The following GALNT17 variants were observed in gnomAD, a reference collection of about 807,000 sequenced individuals.
The protein encoded by GALNT17 is polypeptide N-acetylgalactosaminyltransferase 17, also known as UDP-GalNAc:polypeptide N-acetylgalactosaminyltransferase-like 3.
Under a neutral mutation model 63.7 loss-of-function variants are expected in GALNT17, and 29 were observed. The ratio of observed to expected loss-of-function variants is 0.46; its 90% confidence interval spans 0.34 to 0.62. The LOEUF (loss-of-function observed/expected upper bound fraction) is 0.62. GALNT17 is among the 20% of genes least tolerant of loss of function. GALNT17 has a pLI of 0.01. For synonymous variants in GALNT17, 305 were observed against 318.3 expected, an observed-to-expected ratio of 0.96 and a Z score of 0.45; for missense variants, 603 against 799.6, an observed-to-expected ratio of 0.75 and a Z score of 2.97.
rs562922319 is a variant in GALNT17 at position 71,227,387 on chromosome 7, C to G, written c.238+94347C>G. Among the ~76,000 whole-genome samples the G allele has an allele frequency of 6.6e-4, 100 of 151,152 alleles. 2 individuals are homozygous for G. The highest frequency in any genetic ancestry group is 2.4e-3 in the African/African-American group (98 of 41,192). On this transcript the variant is annotated intron_variant, in intron 1 of 10. Coordinates refer to ENST00000333538, the MANE Select transcript of GALNT17 (RefSeq NM_022479.3). Reference sequence around the variant, plus strand: ...TCTAAAAAATGGAAAAAAAAAAAATCATTGAGAAGAGAGAACCCAGAGGTT... The same window carrying G: ...TCTAAAAAATGGAAAAAAAAAAAATGATTGAGAAGAGAGAACCCAGAGGTT...
At chr7:71,632,219 C>T (rs896083242) in intron 6 of GALNT17, among the ~76,000 whole-genome samples, 3 of 152,228 alleles carry the variant, frequency 2.0e-5, no homozygotes, top group Admixed American at 2.0e-4. Context: ...AGCTTTTCCA[C>T]TGTGGAGCAG....
intron 1 of GALNT17, among the ~76,000 whole-genome samples, chr7:71,290,721 C>T (rs1790964301): frequency 6.6e-6 from 1 of 152,168 alleles, no homozygotes; most frequent in African/African-American, 2.4e-5. Flanking sequence ...GAAAATCCTC[C>T]CTGAAGTTCC....
rs949329182 is a variant in GALNT17 at position 71,299,946 on chromosome 7, A to G, written c.239-35604A>G. ...ATGCCTGGCTAATTTTTGTATTTTT[A>G]GTAGAGAAGAGGTTTCACCAAATTG... On this transcript the variant is annotated intron_variant, in intron 1 of 10. Transcript: ENST00000333538. Among the ~76,000 whole-genome samples the G allele has an allele frequency of 2.6e-5, 4 of 151,934 alleles. No homozygotes were observed. The East Asian group carries it at 7.7e-4, about 29-fold the overall frequency.
chr7:71,138,483 A>T (rs1787827805), intron 1 of GALNT17, among the ~76,000 whole-genome samples: 2 of 152,152 alleles, frequency 1.3e-5, no homozygotes, highest in South Asian at 4.1e-4. Flanking sequence ...GGAAGAAAAA[A>T]ATCTATGTAC....
intron 1 of GALNT17, among the ~76,000 whole-genome samples, chr7:71,222,069 G>T (rs1922523): frequency 0.015 from 2,240 of 151,974 alleles, 47 homozygotes; most frequent in African/African-American, 0.051. Flanking sequence ...CACCACGCCC[G>T]GCTAATTTTG....
At chr7:71,207,797 A>T (rs1482057514) in intron 1 of GALNT17, among the ~76,000 whole-genome samples, 1 of 152,198 alleles carries the variant, frequency 6.6e-6, no homozygotes, top group Admixed American at 6.5e-5. Context: ...AAACACGAGC[A>T]TCTGTCTGAA....
intron 5 of GALNT17, among the ~76,000 whole-genome samples, chr7:71,543,773 T>C (rs1223596610): frequency 1.3e-5 from 2 of 149,426 alleles, no homozygotes; most frequent in South Asian, 2.1e-4. Flanking sequence ...CTTTAACTTT[T>C]TCTTTCTTCC....
chr7:71,521,675 C>G (rs939136355), intron 5 of GALNT17, among the ~76,000 whole-genome samples: 1 of 152,118 alleles, frequency 6.6e-6, no homozygotes, highest in African/African-American at 2.4e-5. Context: ...GCCCTGAGCC[C>G]AGTGGATTTC....
At position 71,318,421 on chromosome 7, in the gene GALNT17, TG is replaced by T. The variant is rs144605116; in HGVS notation, c.239-17128del. 3.6e-3 allele frequency among the ~76,000 whole-genome samples: 526 copies of T among 145,528 alleles called. 16 individuals are homozygous for T. The highest frequency in any genetic ancestry group is 0.014 in the South Asian group (62 of 4,504). ...CCATTCCCTGAAGCTCTTTTTTTTT[TG>T]TGTGTGTGTGGGGGGTGGGATATAG... On this transcript the variant is annotated intron_variant, in intron 1 of 10. Coordinates refer to ENST00000333538, the MANE Select transcript of GALNT17 (RefSeq NM_022479.3).
At chr7:71,637,199 A>G (rs1790538952) in intron 6 of GALNT17, among the ~76,000 whole-genome samples, 1 of 151,906 alleles carries the variant, frequency 6.6e-6, no homozygotes, top group South Asian at 2.1e-4. Flanking sequence ...TTATTTATTT[A>G]TTTTTGAGAC....
intron 1 of GALNT17, among the ~76,000 whole-genome samples, chr7:71,166,889 A>T (rs956382609): frequency 1.3e-5 from 2 of 151,690 alleles, no homozygotes; most frequent in African/African-American, 4.8e-5. Context: ...GTAAGTGTGT[A>T]TTTAACTGTT....
intron 5 of GALNT17, among the ~76,000 whole-genome samples, chr7:71,475,875 T>G (rs1329864061): frequency 6.6e-6 from 1 of 152,140 alleles, no homozygotes; most frequent in East Asian, 1.9e-4. Context: ...ATTCCTAAGT[T>G]TGGACAGTTT....
Position 71,211,323 on chromosome 7 carries a change from A to C in GALNT17, c.238+78283A>C, listed in dbSNP as rs28370374. On this transcript the variant is annotated intron_variant, in intron 1 of 10. Coordinates refer to ENST00000333538, the MANE Select transcript of GALNT17 (RefSeq NM_022479.3). The stretch of plus-strand genomic sequence containing the variant: ...CAGGGGTTTCCGCTTTTGCTTCTTC[A>C]TCGTTTTTCTCTTGCTGCTGCCATG... Among the ~76,000 whole-genome samples the C allele has an allele frequency of 1.5e-4, 23 of 152,022 alleles. No homozygotes were observed. The East Asian group carries it at 3.3e-3, about 22-fold the overall frequency.
intron 9 of GALNT17, among the ~76,000 whole-genome samples, chr7:71,704,264 T>A (rs1174663705): frequency 1.3e-5 from 2 of 152,050 alleles, no homozygotes; most frequent in Non-Finnish European, 2.9e-5. Context: ...AACAAAACCA[T>A]TTACAATAGC....
intron 2 of GALNT17, among the ~76,000 whole-genome samples, chr7:71,341,492 G>C (rs1249184271): frequency 6.6e-6 from 1 of 152,060 alleles, no homozygotes; most frequent in East Asian, 1.9e-4. Flanking sequence ...CTCACATCAA[G>C]AAATGTAAAT....
intron 1 of GALNT17, among the ~76,000 whole-genome samples, chr7:71,325,824 G>A (rs1485957454): frequency 3.9e-5 from 6 of 152,108 alleles, no homozygotes; most frequent in Admixed American, 6.5e-5. Flanking sequence ...AAAATGAGTC[G>A]TTGGCTTGCC....
intron 1 of GALNT17, among the ~76,000 whole-genome samples, chr7:71,252,321 T>C (rs1790213393): frequency 6.6e-6 from 1 of 151,680 alleles, no homozygotes; most frequent in Non-Finnish European, 1.5e-5. Context: ...GGACAGGAGT[T>C]TGAGACCAGC....
intron 1 of GALNT17, among the ~76,000 whole-genome samples, chr7:71,233,054 C>A (rs2116449697): frequency 6.6e-6 from 1 of 152,302 alleles, no homozygotes; most frequent in Admixed American, 6.5e-5. Context: ...GAGGGGGAAA[C>A]TGAGGTCCAG....
In GALNT17 at chr7:71,359,818, A is replaced by G. The variant is rs539039964; in HGVS notation, c.422+24085A>G. 6.8e-4 allele frequency among the ~76,000 whole-genome samples: 104 copies of G among 152,292 alleles called. No homozygotes were observed. In the Middle Eastern group the frequency reaches 0.02, roughly 30 times the overall value. On this transcript the variant is annotated intron_variant, in intron 2 of 10. Coordinates refer to ENST00000333538, the MANE Select transcript of GALNT17 (RefSeq NM_022479.3). ...AGGCTGGCCTCAAACTCCTGACCTC[A>G]GGTGATCCACCTGCCTGAAATGAAC...
Sources: gnomAD v4.1 joint callset for allele counts (sites outside exome capture counted in the v4.1 genomes callset) on GRCh38, gnomAD v4.1.1 for gene constraint, MANE v1.5 for transcripts, NCBI Gene and HGNC (gene_info 2026-07-23, HGNC 2026-07-21) for gene names.